Variants in ADCY8 observed in about 807,000 individuals in gnomAD.
ADCY8 encodes the protein adenylate cyclase type 8.
In ADCY8, 51 loss-of-function variants were observed where a neutral mutation model predicts 119.7. The ratio of observed to expected loss-of-function variants is 0.43; its 90% CI spans 0.34 to 0.54. The LOEUF (loss-of-function observed/expected upper bound fraction) is 0.54, where lower values mean the gene tolerates loss of function less well. ADCY8 is among the 20% of genes least tolerant of loss of function. ADCY8 has a pLI of 0.03. For missense variants in ADCY8, 1,383 were observed against 1,598.8 expected (o/e 0.87, Z 2.30); for synonymous variants, 665 against 651.0 (o/e 1.02, Z -0.33).
intron 9 of ADCY8, among the ~76,000 whole-genome samples, chr8:130,852,120 G>T (rs1405564830): frequency 1.3e-5 from 2 of 152,180 alleles, no homozygotes; most frequent in African/African-American, 4.8e-5. Context: ...GGAGTGCATG[G>T]CATCATGGCA....
At chr8:130,849,497 G>A (rs1481148229) in intron 10 of ADCY8, 105 bp downstream of exon 10, 1 of 1,195,830 alleles carries the variant, frequency 8.4e-7, no homozygotes, top group Non-Finnish European at 1.2e-6. Flanking sequence ...GCACATAAAG[G>A]TAACTGGTAC....
intron 16 of ADCY8, 84 bp downstream of exon 16, chr8:130,785,299 G>T (rs1815215224): frequency 1.1e-6 from 1 of 884,044 alleles, no homozygotes; most frequent in South Asian, 2.0e-5. Context: ...AAGGATCTTG[G>T]TGACAGAGGC....
chr8:130,854,173 A>G (rs986136099), intron 9 of ADCY8, among the ~76,000 whole-genome samples: 1 of 152,196 alleles, frequency 6.6e-6, no homozygotes, highest in Non-Finnish European at 1.5e-5. Flanking sequence ...ATAACATCAG[A>G]TTGTACATTT....
chr8:130,982,166 C>T (rs1214589567), intron 2 of ADCY8, among the ~76,000 whole-genome samples: 1 of 152,192 alleles, frequency 6.6e-6, no homozygotes, highest in Non-Finnish European at 1.5e-5. Flanking sequence ...CGGGTAAACA[C>T]AGTTCTTTGA....
At chr8:130,993,866 C>A (rs986274266) in intron 1 of ADCY8, among the ~76,000 whole-genome samples, 2 of 152,184 alleles carry the variant, frequency 1.3e-5, no homozygotes, top group African/African-American at 4.8e-5. Context: ...AGTAGAAATT[C>A]TTTTAAGGCA....
chr8:130,922,292 G>T (rs1820335364), intron 5 of ADCY8, among the ~76,000 whole-genome samples: 1 of 150,480 alleles, frequency 6.6e-6, no homozygotes, highest in Non-Finnish European at 1.5e-5. Flanking sequence ...CAATAGTGGA[G>T]GGAAGGTCAG....
chr8:130,947,581 G>A (rs2130648838), intron 3 of ADCY8, among the ~76,000 whole-genome samples: 1 of 152,308 alleles, frequency 6.6e-6, no homozygotes, highest in Non-Finnish European at 1.5e-5. Context: ...CAGGACAGAT[G>A]TAGTGATCAC....
Position 130,780,801 on chromosome 8 carries a change from C to T in ADCY8, c.3345G>A (p.Val1115=). 1 of 1,614,208 alleles carries T rather than the reference C, an allele frequency of 6.2e-7. No homozygotes were observed. The highest frequency in any genetic ancestry group is 8.5e-7 in the Non-Finnish European group (1 of 1,180,026). The change falls in exon 18 of 18, where the codon GTG becomes GTA. Residue 1115 remains valine, a synonymous_variant. Transcript: ENST00000286355. ...KPQYDIWGKT[V]NLASRMDSTG... ...TGCTGTCCATTCGGCTTGCCAGGTTCACAGTTTTGCCCCAAATGTCATACT... is the reference window on the plus strand; with the variant it reads ...TGCTGTCCATTCGGCTTGCCAGGTTTACAGTTTTGCCCCAAATGTCATACT...
chr8:130,835,575 T>C (rs1816961188), intron 12 of ADCY8, among the ~76,000 whole-genome samples: 1 of 152,188 alleles, frequency 6.6e-6, no homozygotes, highest in African/African-American at 2.4e-5. Flanking sequence ...CTAAGGAGTC[T>C]GGGTAAGATA....
intron 4 of ADCY8, among the ~76,000 whole-genome samples, chr8:130,943,089 G>A (rs551556815): frequency 6.6e-6 from 1 of 152,302 alleles, no homozygotes; most frequent in African/African-American, 2.4e-5. Flanking sequence ...GGCGTGGAAA[G>A]CAGATAAAAA....
At chr8:130,807,288 C>T (rs1815995673) in intron 14 of ADCY8, among the ~76,000 whole-genome samples, 1 of 152,200 alleles carries the variant, frequency 6.6e-6, no homozygotes, top group Non-Finnish European at 1.5e-5. Context: ...ATGTCTGAGA[C>T]TTGCAAACCT....
chr8:130,859,916 G>A (rs979597110), intron 9 of ADCY8, among the ~76,000 whole-genome samples: 14 of 151,966 alleles, frequency 9.2e-5, no homozygotes, highest in African/African-American at 2.7e-4. Context: ...CCTTTCAGAC[G>A]GTTTCTTTCA....
chr8:131,016,240 G>A (rs976915652), intron 1 of ADCY8, among the ~76,000 whole-genome samples: 1 of 152,090 alleles, frequency 6.6e-6, no homozygotes, highest in African/African-American at 2.4e-5. Flanking sequence ...TTTTAAATAA[G>A]AGGCTGGGCA....
Position 131,040,409 on chromosome 8 carries a change from C to T in ADCY8, c.-76G>A, listed in dbSNP as rs556389883. ...GGAGGGGTTCCTAAAGACTCAAAGG[C>T]GGCCTGGTAGGAGCTTGGCAAGGAT... On this transcript the variant is annotated 5_prime_UTR_variant, in exon 1 of 18. Coordinates refer to ENST00000286355, the MANE Select transcript of ADCY8 (RefSeq NM_001115.3). 71 of 1,403,476 alleles carry T rather than the reference C, an allele frequency of 5.1e-5. No homozygotes were observed. The African/African-American group carries it at 1.0e-3, about 21-fold the overall frequency. 86.9% of individuals were successfully genotyped at this position (1,403,476 alleles called of 1,614,324 possible).
chr8:130,942,982 T>G (rs917914495), intron 4 of ADCY8, among the ~76,000 whole-genome samples: 1 of 152,070 alleles, frequency 6.6e-6, no homozygotes, highest in Non-Finnish European at 1.5e-5. Flanking sequence ...ATGGCCAGGG[T>G]TGGCTGGGAA....
chr8:130,944,937 T>C (rs554210462), intron 3 of ADCY8, among the ~76,000 whole-genome samples: 4 of 152,288 alleles, frequency 2.6e-5, no homozygotes, highest in African/African-American at 9.6e-5. Context: ...TGCAGGGTGA[T>C]GATCACTGTG....
At chr8:130,902,145 CAAAACA>C (rs1346442772) in intron 7 of ADCY8, among the ~76,000 whole-genome samples, 2 of 152,014 alleles carry the variant, frequency 1.3e-5, no homozygotes, top group Admixed American at 1.3e-4. Flanking sequence ...AAAATAAAGA[CAAAACA>C]AAAACTAAAA....
chr8:130,806,261 C>T (rs1461519586), intron 14 of ADCY8, among the ~76,000 whole-genome samples: 1 of 152,188 alleles, frequency 6.6e-6, no homozygotes, highest in Non-Finnish European at 1.5e-5. Context: ...TCTGCCTGCT[C>T]CTCTGTGCCA....
intron 1 of ADCY8, among the ~76,000 whole-genome samples, chr8:131,029,804 T>C (rs1459193863): frequency 1.1e-4 from 17 of 151,628 alleles, no homozygotes; most frequent in Admixed American, 1.1e-3. Context: ...ATTTCTCTTC[T>C]CTTGCCAGTT....
Sources: allele counts gnomAD v4.1 joint callset (sites outside exome capture counted in the v4.1 genomes callset), GRCh38; gene constraint gnomAD v4.1.1; transcripts MANE v1.5; gene names NCBI Gene and HGNC (gene_info 2026-07-23, HGNC 2026-07-21).